GABRG3: variants seen among roughly 807,000 people sequenced by gnomAD.
GABRG3 encodes gamma-aminobutyric acid receptor subunit gamma-3.
A neutral mutation model predicts 48.8 loss-of-function variants in GABRG3; 25 were observed. The observed-to-expected ratio is 0.51, with a 90% CI of 0.37 to 0.72. The LOEUF (loss-of-function observed/expected upper bound fraction) is 0.72. Ranked by LOEUF, GABRG3 falls within the 30% of genes least tolerant of loss-of-function variation. GABRG3 has a pLI of 0.00. For synonymous variants in GABRG3, 227 were observed against 217.6 expected (o/e 1.04, Z -0.38); for missense variants, 394 against 577.9 (o/e 0.68, Z 3.26).
intron 5 of GABRG3, among the ~76,000 whole-genome samples, chr15:27,427,869 A>G (rs1888337985): frequency 6.6e-6 from 1 of 152,036 alleles, no homozygotes; most frequent in Admixed American, 6.6e-5. Flanking sequence ...CTTCTCTGCA[A>G]TTTTATGTAT....
At chr15:27,440,288 C>G (rs1888745552) in intron 5 of GABRG3, among the ~76,000 whole-genome samples, 1 of 152,212 alleles carries the variant, frequency 6.6e-6, no homozygotes, top group Non-Finnish European at 1.5e-5. Context: ...CCATTGTGAT[C>G]CTTCATGCTA....
chr15:27,002,574 T>A (rs2140657250), intron 2 of GABRG3, among the ~76,000 whole-genome samples: 1 of 151,940 alleles, frequency 6.6e-6, no homozygotes, highest in Admixed American at 6.5e-5. Flanking sequence ...AAATTTATGC[T>A]GTAAAAATGT....
chr15:27,475,249 C>T (rs1350401220), intron 5 of GABRG3, among the ~76,000 whole-genome samples: 4 of 152,136 alleles, frequency 2.6e-5, no homozygotes, highest in Admixed American at 6.5e-5. Flanking sequence ...TACATCCTAA[C>T]CTTATACTCT....
chr15:27,454,761 A>G lies in GABRG3; in HGVS notation c.575-25889A>G, dbSNP rs78259549. Among the ~76,000 whole-genome samples, 1,310 of 152,308 alleles carry G rather than the reference A, an allele frequency of 8.6e-3. 18 individuals are homozygous for G. Among genetic ancestry groups the G allele is most frequent in the African/African-American group, 0.03 (1,261 of 41,556 alleles). On this transcript the variant is annotated intron_variant, in intron 5 of 9. Transcript: ENST00000615808. ...CTTAGCAAGTAAGTCATCCCTGTCCACATTTGGAAAAGCGCTCATTTCTGC... is the reference window on the plus strand; with the variant it reads ...CTTAGCAAGTAAGTCATCCCTGTCCGCATTTGGAAAAGCGCTCATTTCTGC...
intron 5 of GABRG3, among the ~76,000 whole-genome samples, chr15:27,478,314 A>C (rs1890009751): frequency 6.6e-6 from 1 of 152,194 alleles, no homozygotes; most frequent in Admixed American, 6.5e-5. Flanking sequence ...TCAACAATAT[A>C]AAAACAACCC....
intron 3 of GABRG3, among the ~76,000 whole-genome samples, chr15:27,089,250 C>T (rs1897143923): frequency 6.6e-6 from 1 of 152,128 alleles, no homozygotes; most frequent in South Asian, 2.1e-4. Flanking sequence ...CTGCGGAATC[C>T]ACAGAGCGCG....
intron 5 of GABRG3, among the ~76,000 whole-genome samples, chr15:27,367,293 GTCC>G (rs1895240189): frequency 6.6e-6 from 1 of 152,132 alleles, no homozygotes; most frequent in Non-Finnish European, 1.5e-5. Flanking sequence ...GAAGATCCCA[GTCC>G]TCCTCCTTCA....
intron 3 of GABRG3, among the ~76,000 whole-genome samples, chr15:27,263,943 AAG>A (rs1890842521): frequency 1.1e-5 from 1 of 87,384 alleles, no homozygotes; most frequent in African/African-American, 3.8e-5. Context: ...AAAAAAGAAA[AAG>A]AAAAAAAAGA....
chr15:27,508,072 C>T (rs1890803258), intron 6 of GABRG3, among the ~76,000 whole-genome samples: 1 of 152,154 alleles, frequency 6.6e-6, no homozygotes, highest in Admixed American at 6.5e-5. Context: ...GGCTTTTATG[C>T]AGCATATAGT....
intron 3 of GABRG3, among the ~76,000 whole-genome samples, chr15:27,047,141 A>G (rs780722477): frequency 2.6e-5 from 4 of 152,186 alleles, no homozygotes; most frequent in African/African-American, 4.8e-5. Context: ...TAAATCCAAC[A>G]TATAGGGTAT....
At chr15:27,360,230 G>A (rs573296353) in intron 5 of GABRG3, among the ~76,000 whole-genome samples, 1 of 152,280 alleles carries the variant, frequency 6.6e-6, no homozygotes, top group African/African-American at 2.4e-5. Flanking sequence ...GACACACACA[G>A]TGTTCATCCA....
intron 3 of GABRG3, among the ~76,000 whole-genome samples, chr15:27,171,507 C>CATATATATATAT (rs57913193): frequency 0.023 from 3,322 of 144,196 alleles, 58 homozygotes; most frequent in Admixed American, 0.035. Context: ...GCATGTCTAA[C>CATATATATATAT]ATATATATAT....
intron 3 of GABRG3, among the ~76,000 whole-genome samples, chr15:27,294,696 G>A (rs1566760577): frequency 6.6e-6 from 1 of 152,094 alleles, no homozygotes; most frequent in Admixed American, 6.6e-5. Flanking sequence ...TGGAGGGTGA[G>A]GCACAGCAGC....
chr15:27,312,011 T>C (rs1349598319), intron 3 of GABRG3, among the ~76,000 whole-genome samples: 1 of 152,062 alleles, frequency 6.6e-6, no homozygotes, highest in East Asian at 1.9e-4. Flanking sequence ...AATGGAGGTA[T>C]ATGATTTGCC....
chr15:27,296,873 T>C (rs1211697544), intron 3 of GABRG3, among the ~76,000 whole-genome samples: 1 of 151,116 alleles, frequency 6.6e-6, no homozygotes, highest in Non-Finnish European at 1.5e-5. Context: ...AATTTCATTA[T>C]AAGACAGTCT....
At chr15:27,401,351 G>A (rs1887469695) in intron 5 of GABRG3, among the ~76,000 whole-genome samples, 1 of 151,990 alleles carries the variant, frequency 6.6e-6, no homozygotes, top group African/African-American at 2.4e-5. Flanking sequence ...GGGTTCTATT[G>A]GCATTATCAG....
intron 2 of GABRG3, among the ~76,000 whole-genome samples, chr15:26,980,844 C>T (rs1895041438): frequency 6.6e-6 from 1 of 151,536 alleles, no homozygotes; most frequent in South Asian, 2.1e-4. Context: ...TTTAATTTCC[C>T]TTGAGATTTT....
intron 3 of GABRG3, among the ~76,000 whole-genome samples, chr15:27,053,902 T>C (rs375826422): frequency 3.9e-5 from 6 of 152,334 alleles, no homozygotes; most frequent in African/African-American, 1.4e-4. Context: ...TGTCATCACT[T>C]ATAAGTGGAA....
intron 3 of GABRG3, among the ~76,000 whole-genome samples, chr15:27,171,519 T>TAC (rs1566953940): frequency 6.7e-6 from 1 of 148,376 alleles, no homozygotes; most frequent in South Asian, 2.1e-4. Context: ...TATATATATA[T>TAC]ATATACATAT....
Sources: gnomAD v4.1 joint callset for allele counts (sites outside exome capture counted in the v4.1 genomes callset) on GRCh38, gnomAD v4.1.1 for gene constraint, MANE v1.5 for transcripts, NCBI Gene and HGNC (gene_info 2026-07-23, HGNC 2026-07-21) for gene names.